TNFSF8: variants seen among roughly 807,000 people sequenced by gnomAD.
TNFSF8 encodes tumor necrosis factor ligand superfamily member 8.
A neutral mutation model predicts 22.0 loss-of-function variants in TNFSF8; 4 were observed. That is an observed-to-expected ratio of 0.18 (90% confidence interval 0.09 to 0.42). The LOEUF (loss-of-function observed/expected upper bound fraction) is 0.42, where lower values mean the gene tolerates loss of function less well. Ranked by LOEUF, TNFSF8 falls within the 10% of genes least tolerant of loss-of-function variation. TNFSF8 has a pLI of 1.00. For missense variants in TNFSF8, 233 were observed against 281.8 expected, an observed-to-expected ratio of 0.83 and a Z score of 1.24; for synonymous variants, 106 against 112.5, an observed-to-expected ratio of 0.94 and a Z score of 0.37.
intron 1 of TNFSF8, among the ~76,000 whole-genome samples, chr9:114,919,712 C>G (rs537026889): frequency 6.6e-6 from 1 of 152,302 alleles, no homozygotes; most frequent in East Asian, 1.9e-4. Context: ...AAATTAGCAG[C>G]CGCCCACAGC....
intron 1 of TNFSF8, among the ~76,000 whole-genome samples, chr9:114,929,838 TAG>T (rs1434048835): frequency 1.3e-5 from 2 of 148,390 alleles, no homozygotes; most frequent in Admixed American, 1.4e-4. Flanking sequence ...CAAATTATTT[TAG>T]AGAGTTAAGT....
At chr9:114,928,061 G>A (rs1479242388) in intron 1 of TNFSF8, among the ~76,000 whole-genome samples, 7 of 152,002 alleles carry the variant, frequency 4.6e-5, no homozygotes, top group East Asian at 3.9e-4. Context: ...TATATACCAC[G>A]GCTACTATTA....
chr9:114,915,829 G>A (rs1309004747), intron 2 of TNFSF8, among the ~76,000 whole-genome samples: 1 of 152,062 alleles, frequency 6.6e-6, no homozygotes, highest in African/African-American at 2.4e-5. Context: ...TGAACATAAC[G>A]GCAAAAGCTG....
Position 114,930,407 on chromosome 9 carries a change from A to G in TNFSF8, c.-104T>C. On this transcript the variant is annotated 5_prime_UTR_variant, in exon 1 of 4. The change abolishes an upstream ATG in the 5' untranslated region. Coordinates refer to ENST00000223795, the MANE Select transcript of TNFSF8 (RefSeq NM_001244.4). ...GGATTCTCCCCCTGAATCCTGAATCATGTGACTTGGAAAAAAACCTTCACC... is the reference window on the plus strand; with the variant it reads ...GGATTCTCCCCCTGAATCCTGAATCGTGTGACTTGGAAAAAAACCTTCACC... The G allele has an allele frequency of 9.9e-7, 1 of 1,013,730 alleles. No individual in the cohort carries two copies. Among genetic ancestry groups the G allele is most frequent in the South Asian group, 2.8e-5 (1 of 35,822 alleles). 62.8% of individuals were successfully genotyped at this position (1,013,730 alleles called of 1,614,324 possible). A position where few individuals can be genotyped will look rare whatever the true frequency, so the allele number is the denominator to read the frequency against.
intron 2 of TNFSF8, among the ~76,000 whole-genome samples, chr9:114,913,663 G>A (rs1827879471): frequency 6.6e-6 from 1 of 152,176 alleles, no homozygotes; most frequent in African/African-American, 2.4e-5. Flanking sequence ...CTAAGCACAA[G>A]GGCTGCAAGG....
chr9:114,924,871 G>T (rs7036962), intron 1 of TNFSF8, among the ~76,000 whole-genome samples: 55,255 of 151,984 alleles, frequency 0.36, 10,515 homozygotes, highest in Admixed American at 0.45. Context: ...CCCTTCCACT[G>T]GGGACCTCCC....
downstream of TNFSF8, among the ~76,000 whole-genome samples, chr9:114,900,322 T>A (rs1240375514): frequency 6.6e-6 from 1 of 152,198 alleles, no homozygotes; most frequent in African/African-American, 2.4e-5. Flanking sequence ...AGTCAGCCTG[T>A]ATCATCTCTA....
rs924716219 is a variant in TNFSF8 at position 114,905,755 on chromosome 9, C to G, written c.310+73G>C. On this transcript the variant is annotated intron_variant, in intron 3 of 3. Coordinates refer to ENST00000223795, the MANE Select transcript of TNFSF8 (RefSeq NM_001244.4). Reference sequence around the variant, plus strand: ...GGCCATGGGACTCTAATTATGACTTCTGGCTTAAAAGTTGCTGAAAAGCCA... The same window carrying G: ...GGCCATGGGACTCTAATTATGACTTGTGGCTTAAAAGTTGCTGAAAAGCCA... The G allele has an allele frequency of 1.8e-5, 22 of 1,206,566 alleles. 1 individual carries two copies. The South Asian group carries it at 2.2e-4, about 12-fold the overall frequency. The allele number at this position is 1,206,566 out of a possible 1,614,324, so 74.7% of individuals were successfully genotyped here.
intron 1 of TNFSF8, among the ~76,000 whole-genome samples, chr9:114,925,342 T>C (rs1316672756): frequency 6.6e-6 from 1 of 152,148 alleles, no homozygotes; most frequent in Non-Finnish European, 1.5e-5. Flanking sequence ...CCTGGCAGCC[T>C]TCATGTAACC....
chr9:114,922,478 AC>A (rs1402796795), intron 1 of TNFSF8, among the ~76,000 whole-genome samples: 1 of 152,172 alleles, frequency 6.6e-6, no homozygotes, highest in African/African-American at 2.4e-5. Context: ...TTGGCCTTTA[AC>A]TTGACCCCAA....
chr9:114,925,908 C>T (rs140823810), intron 1 of TNFSF8, among the ~76,000 whole-genome samples: 107 of 152,218 alleles, frequency 7.0e-4, no homozygotes, highest in African/African-American at 2.5e-3. Flanking sequence ...AATGTAAACA[C>T]CTACCTGTGG....
rs1828027811 is a variant in TNFSF8, at chr9:114,924,158, T to C, written c.195+5951A>G. Among the ~76,000 whole-genome samples the C allele has an allele frequency of 2.0e-5, 3 of 152,194 alleles. No individual in the cohort carries two copies. In the South Asian group the frequency reaches 6.2e-4, roughly 32 times the overall value. On this transcript the variant is annotated intron_variant, in intron 1 of 3. Coordinates refer to ENST00000223795, the MANE Select transcript of TNFSF8 (RefSeq NM_001244.4). ...TAGCTCGGTGCTTCTCAAACTTTAATGTGCATACAGATCACCTGAGGAGCT... is the reference window on the plus strand; with the variant it reads ...TAGCTCGGTGCTTCTCAAACTTTAACGTGCATACAGATCACCTGAGGAGCT...
chr9:114,901,519 G>C lies in TNFSF8; in HGVS notation c.*2412C>G. 1.0e-6 allele frequency: 1 copy of C among 983,318 alleles called. No individual in the cohort carries two copies. 60.9% of individuals were successfully genotyped at this position (983,318 alleles called of 1,614,324 possible). On this transcript the variant is annotated 3_prime_UTR_variant, in exon 4 of 4. Transcript: ENST00000223795. Reference sequence around the variant, plus strand: ...TCTTTCTCGAGTTAGAATGTGAGATGGCAAAAAAATTGCTTAGTTAACACA... The same window carrying C: ...TCTTTCTCGAGTTAGAATGTGAGATCGCAAAAAAATTGCTTAGTTAACACA...
chr9:114,899,001 GCAA>G (rs973782338), downstream of TNFSF8, among the ~76,000 whole-genome samples: 1 of 152,126 alleles, frequency 6.6e-6, no homozygotes, highest in African/African-American at 2.4e-5. Context: ...GTGCACATCT[GCAA>G]CAGACTACAT....
exon 5 of TNFSF8, chr9:114,893,943 G>T (rs1043600898): frequency 3.5e-5 from 24 of 681,126 alleles, no homozygotes; most frequent in South Asian, 1.0e-4. Context: ...TTCTGTTTGT[G>T]GGGGGTGAAC....
At chr9:114,905,556 G>C (rs1827774190) in intron 3 of TNFSF8, among the ~76,000 whole-genome samples, 1 of 152,190 alleles carries the variant, frequency 6.6e-6, no homozygotes, top group Admixed American at 6.5e-5. Context: ...CAGTGGTGGT[G>C]GGGACCATGA....
chr9:114,923,514 CTTTCTTTCTT>C (rs1564372331), intron 1 of TNFSF8, among the ~76,000 whole-genome samples: 3 of 86,340 alleles, frequency 3.5e-5, no homozygotes, highest in African/African-American at 8.1e-5. Flanking sequence ...TTCTTTCTTT[CTTTCTTTCTT>C]TTTTTTTTTT....
intron 2 of TNFSF8, 54 bp from the exon 3 acceptor site, chr9:114,905,953 A>T: frequency 8.4e-7 from 1 of 1,190,610 alleles, no homozygotes; most frequent in Non-Finnish European, 1.3e-6. Flanking sequence ...TGGGATCTGG[A>T]AATACCTGAT....
chr9:114,902,524 A>G lies in TNFSF8; in HGVS notation c.*1407T>C. On this transcript the variant is annotated 3_prime_UTR_variant, in exon 4 of 4. Coordinates refer to ENST00000223795, the MANE Select transcript of TNFSF8 (RefSeq NM_001244.4). ...CCCAAACACCCAGATGGTCTCTTAG[A>G]TTCTGGATGGTCAGTGTGGTAGTTC... 1 of 985,426 alleles carries G rather than the reference A, an allele frequency of 1.0e-6. No homozygotes were observed. The highest frequency in any genetic ancestry group is 1.2e-6 in the Non-Finnish European group (1 of 829,926). The allele number at this position is 985,426 out of a possible 1,614,324, so 61.0% of individuals were successfully genotyped here.
Sources: gnomAD v4.1 joint callset for allele counts (sites outside exome capture counted in the v4.1 genomes callset) on GRCh38, gnomAD v4.1.1 for gene constraint, MANE v1.5 for transcripts, NCBI Gene and HGNC (gene_info 2026-07-23, HGNC 2026-07-21) for gene names.